The following CEP70 variants were observed in gnomAD, a reference collection of about 807,000 sequenced individuals.
The protein encoded by CEP70 is centrosomal protein 70, also known as centrosomal protein of 70 kDa.
CEP70 carries 70 observed loss-of-function variants against 90.9 expected under a neutral mutation model. The observed-to-expected ratio is 0.77, with a 90% CI of 0.64 to 0.94. CEP70 has a LOEUF of 0.94. Among genes scored for constraint, CEP70 ranks in the 40% least tolerant of loss-of-function variants. The pLI, the probability that CEP70 is intolerant of heterozygous loss-of-function variation, is 0.00. For synonymous variants in CEP70, 220 were observed against 228.3 expected, an observed-to-expected ratio of 0.96 and a Z score of 0.33; for missense variants, 648 against 669.0, an observed-to-expected ratio of 0.97 and a Z score of 0.35.
chr3:138,576,966 C>G (rs898289511), intron 2 of CEP70, among the ~76,000 whole-genome samples: 4 of 150,908 alleles, frequency 2.7e-5, no homozygotes, highest in African/African-American at 7.3e-5. Context: ...CAATGATAGA[C>G]TGGATTAAGA....
chr3:138,525,552 A>G lies in CEP70; in HGVS notation c.882T>C (p.His294=). 7.1e-7 allele frequency: 1 copy of G among 1,402,208 alleles called. No individual in the cohort carries two copies. Among genetic ancestry groups the G allele is most frequent in the East Asian group, 2.6e-5 (1 of 37,738 alleles). The allele number at this position is 1,402,208 out of a possible 1,614,324, so 86.9% of individuals were successfully genotyped here. ...CCTGCTGTTTATAAAGTCTTAATTCATGCTGCGTAGGCCTGTGGAAAATAA... is the reference window on the plus strand; with the variant it reads ...CCTGCTGTTTATAAAGTCTTAATTCGTGCTGCGTAGGCCTGTGGAAAATAA... ...QKDLETRPTQ[H]ELRLYKQQVK... The change falls in exon 11 of 18, where the codon CAT becomes CAC. Residue 294 remains histidine (H), a synonymous_variant. Transcript: ENST00000264982.
At chr3:138,517,189 TCC>T (rs1158309413) in intron 11 of CEP70, among the ~76,000 whole-genome samples, 1 of 152,224 alleles carries the variant, frequency 6.6e-6, no homozygotes, top group Non-Finnish European at 1.5e-5. Flanking sequence ...AAAATCTTTG[TCC>T]TTTATTACTT....
intron 1 of CEP70, among the ~76,000 whole-genome samples, chr3:138,592,376 T>C (rs1039616786): frequency 1.7e-4 from 26 of 152,160 alleles, no homozygotes; most frequent in Non-Finnish European, 3.7e-4. Flanking sequence ...CAGAGGACCA[T>C]TCTGTGAAAT....
chr3:138,551,071 G>T (rs2039577871), intron 6 of CEP70, among the ~76,000 whole-genome samples: 1 of 152,194 alleles, frequency 6.6e-6, no homozygotes, highest in Non-Finnish European at 1.5e-5. Flanking sequence ...TTGTCATCAG[G>T]TTATTTAAAG....
At chr3:138,586,952 C>T (rs1460690910) in intron 2 of CEP70, among the ~76,000 whole-genome samples, 1 of 151,928 alleles carries the variant, frequency 6.6e-6, no homozygotes, top group Non-Finnish European at 1.5e-5. Flanking sequence ...CATAAACATA[C>T]ACATCTGTGC....
intron 13 of CEP70, among the ~76,000 whole-genome samples, chr3:138,501,980 T>C (rs755645393): frequency 2.0e-5 from 3 of 152,134 alleles, no homozygotes; most frequent in Non-Finnish European, 4.4e-5. Context: ...CCAAGCACTG[T>C]GGATAAGGGA....
chr3:138,577,943 G>A (rs2041642442), intron 2 of CEP70, among the ~76,000 whole-genome samples: 1 of 152,176 alleles, frequency 6.6e-6, no homozygotes, highest in Admixed American at 6.5e-5. Context: ...TGGGAAGACG[G>A]CATGGCCACA....
At chr3:138,498,687 G>A (rs2034187256) in intron 16 of CEP70, among the ~76,000 whole-genome samples, 1 of 151,954 alleles carries the variant, frequency 6.6e-6, no homozygotes, top group African/African-American at 2.4e-5. Flanking sequence ...AGGCTTCTTA[G>A]ATCATGCTTT....
chr3:138,495,815 G>A, intron 17 of CEP70: 1 of 901,492 alleles, frequency 1.1e-6, no homozygotes, highest in Non-Finnish European at 1.3e-6. Flanking sequence ...TTGCGTCACT[G>A]CACTCTGGCC....
At chr3:138,590,111 A>C (rs569035446) in intron 2 of CEP70, among the ~76,000 whole-genome samples, 31 of 152,236 alleles carry the variant, frequency 2.0e-4, no homozygotes, top group Admixed American at 9.8e-4. Flanking sequence ...AAAAATGAGA[A>C]GAACATAAGC....
At chr3:138,518,777 C>A (rs1353198529) in intron 11 of CEP70, among the ~76,000 whole-genome samples, 1 of 152,198 alleles carries the variant, frequency 6.6e-6, no homozygotes, top group Admixed American at 6.5e-5. Flanking sequence ...CAGAGCACCT[C>A]TCCTCCTCCA....
intron 8 of CEP70, chr3:138,531,472 G>T (rs536138586): frequency 6.6e-6 from 1 of 152,090 alleles, no homozygotes; most frequent in African/African-American, 2.4e-5. Flanking sequence ...ACACACCTGT[G>T]CCAATTCATT....
chr3:138,537,444 T>C, intron 6 of CEP70, 97 bp from the exon 7 acceptor site: 1 of 774,380 alleles, frequency 1.3e-6, no homozygotes. Flanking sequence ...TAGTTTCTAC[T>C]GAGCTGTTTC....
chr3:138,593,467 C>T (rs1259103361), intron 1 of CEP70, among the ~76,000 whole-genome samples: 1 of 152,180 alleles, frequency 6.6e-6, no homozygotes, highest in African/African-American at 2.4e-5. Flanking sequence ...AGGGGATCCG[C>T]CCACCTCGGC....
intron 11 of CEP70, among the ~76,000 whole-genome samples, chr3:138,518,137 G>A (rs946165642): frequency 3.9e-5 from 6 of 152,208 alleles, no homozygotes; most frequent in Admixed American, 2.0e-4. Flanking sequence ...GCTGTGGGAG[G>A]GGCGCCCGAC....
At chr3:138,543,419 A>G (rs988109246) in intron 6 of CEP70, among the ~76,000 whole-genome samples, 5 of 152,196 alleles carry the variant, frequency 3.3e-5, no homozygotes, top group African/African-American at 1.2e-4. Context: ...CTCAGCCACA[A>G]CTTCACTCTA....
chr3:138,535,541 A>T (rs187845800), intron 7 of CEP70, among the ~76,000 whole-genome samples: 1 of 152,284 alleles, frequency 6.6e-6, no homozygotes, highest in Admixed American at 6.5e-5. Flanking sequence ...GTAACTTTTA[A>T]TAATATCTGT....
intron 11 of CEP70, among the ~76,000 whole-genome samples, chr3:138,513,943 C>T (rs1372917097): frequency 1.4e-5 from 2 of 146,500 alleles, no homozygotes; most frequent in African/African-American, 5.3e-5. Context: ...AGTTGGTTAA[C>T]TACAAATCTA....
chr3:138,495,176 A>G (rs1267047282), intron 17 of CEP70, 100 bp from the exon 18 acceptor site: 2 of 665,054 alleles, frequency 3.0e-6, no homozygotes, highest in Non-Finnish European at 5.3e-6. Context: ...CCCAAACATA[A>G]AGGCAATAAT....
Sources: gnomAD v4.1 joint callset for allele counts (sites outside exome capture counted in the v4.1 genomes callset) on GRCh38, gnomAD v4.1.1 for gene constraint, MANE v1.5 for transcripts, NCBI Gene and HGNC (gene_info 2026-07-23, HGNC 2026-07-21) for gene names.